Variants in LRRC4C observed in about 807,000 individuals in gnomAD.
LRRC4C encodes the protein leucine-rich repeat-containing protein 4C.
In LRRC4C, 5 loss-of-function variants were observed where a neutral mutation model predicts 33.6. The observed-to-expected ratio is 0.15, with a 90% CI of 0.08 to 0.31. The LOEUF is 0.31. LRRC4C is among the 10% of genes least tolerant of loss of function. The pLI is 1.00. For synonymous variants in LRRC4C, 329 were observed against 302.0 expected (o/e 1.09, Z -0.93); for missense variants, 560 against 796.7 (o/e 0.70, Z 3.58).
intron 3 of LRRC4C, among the ~76,000 whole-genome samples, chr11:40,417,908 G>A (rs904132522): frequency 2.0e-5 from 3 of 152,152 alleles, no homozygotes; most frequent in African/African-American, 7.2e-5. Context: ...CACGAGTCTG[G>A]TATCACGCAG....
chr11:41,268,158 A>G (rs1357250592), intron 1 of LRRC4C, among the ~76,000 whole-genome samples: 2 of 152,166 alleles, frequency 1.3e-5, no homozygotes, highest in Non-Finnish European at 2.9e-5. Context: ...GATTGCACAC[A>G]AAGCAAGGTT....
intron 3 of LRRC4C, among the ~76,000 whole-genome samples, chr11:40,610,077 T>A (rs7928562): frequency 0.45 from 68,635 of 151,504 alleles, 16,695 homozygotes; most frequent in Middle Eastern, 0.59. Context: ...CAAAGACACC[T>A]CAAGAAAAAA....
intron 2 of LRRC4C, among the ~76,000 whole-genome samples, chr11:40,816,181 CTT>C (rs1951698630): frequency 6.6e-6 from 1 of 152,128 alleles, no homozygotes; most frequent in Non-Finnish European, 1.5e-5. Context: ...TATCATGTTT[CTT>C]TTTGGGATGC....
intron 3 of LRRC4C, among the ~76,000 whole-genome samples, chr11:40,323,422 C>A (rs1343118976): frequency 6.6e-6 from 1 of 152,198 alleles, no homozygotes; most frequent in East Asian, 1.9e-4. Context: ...GATGTCTCTT[C>A]TTGCCAACTT....
chr11:40,896,964 G>C (rs1443959361), intron 2 of LRRC4C, among the ~76,000 whole-genome samples: 1 of 152,062 alleles, frequency 6.6e-6, no homozygotes, highest in African/African-American at 2.4e-5. Context: ...TAAAGTACTA[G>C]GAGAGTTTTG....
intron 1 of LRRC4C, among the ~76,000 whole-genome samples, chr11:41,250,296 T>C (rs370201018): frequency 6.6e-6 from 1 of 152,222 alleles, no homozygotes; most frequent in East Asian, 1.9e-4. Flanking sequence ...AACTTTCCTC[T>C]ACCTGATTTA....
intron 1 of LRRC4C, among the ~76,000 whole-genome samples, chr11:41,172,133 T>C (rs930137821): frequency 1.1e-4 from 16 of 152,248 alleles, no homozygotes; most frequent in African/African-American, 3.8e-4. Context: ...GAGGGAGAAC[T>C]GGCTGACAGA....
At chr11:40,894,767 G>A (rs564661407) in intron 2 of LRRC4C, among the ~76,000 whole-genome samples, 7 of 152,038 alleles carry the variant, frequency 4.6e-5, no homozygotes, top group Admixed American at 3.3e-4. Flanking sequence ...TTCACCTATC[G>A]ACAGTCCACC....
intron 6 of LRRC4C, among the ~76,000 whole-genome samples, chr11:40,122,828 A>ATT (rs1855923677): frequency 6.7e-6 from 1 of 148,362 alleles, no homozygotes; most frequent in Non-Finnish European, 1.5e-5. Context: ...TTCTAAGAAA[A>ATT]TTTTATATAA....
At chr11:41,233,805 A>G (rs1373713318) in intron 1 of LRRC4C, among the ~76,000 whole-genome samples, 1 of 152,048 alleles carries the variant, frequency 6.6e-6, no homozygotes, top group African/African-American at 2.4e-5. Context: ...AAAAGGGGAA[A>G]AAAATTGTGA....
chr11:40,609,689 T>A (rs1347768891), intron 3 of LRRC4C, among the ~76,000 whole-genome samples: 1 of 151,702 alleles, frequency 6.6e-6, no homozygotes, highest in Non-Finnish European at 1.5e-5. Context: ...ACTTAGTAAA[T>A]AAAATCAGAA....
intron 1 of LRRC4C, among the ~76,000 whole-genome samples, chr11:41,303,455 C>T (rs1478336039): frequency 7.5e-6 from 1 of 132,594 alleles, no homozygotes; most frequent in Non-Finnish European, 1.6e-5. Context: ...ACCTCCCAGC[C>T]GCCTGCCTTG....
At chr11:40,700,543 C>T (rs1202955677) in intron 2 of LRRC4C, among the ~76,000 whole-genome samples, 1 of 152,104 alleles carries the variant, frequency 6.6e-6, no homozygotes, top group Non-Finnish European at 1.5e-5. Flanking sequence ...AACTGGGGGA[C>T]ATTTGTCCTA....
At chr11:40,385,423 G>A (rs2137394064) in intron 3 of LRRC4C, among the ~76,000 whole-genome samples, 1 of 152,252 alleles carries the variant, frequency 6.6e-6, no homozygotes, top group South Asian at 2.1e-4. Context: ...AAATGATTAG[G>A]ATTCAGGAAC....
At chr11:40,325,976 G>A (rs574881709) in intron 3 of LRRC4C, among the ~76,000 whole-genome samples, 22 of 151,558 alleles carry the variant, frequency 1.5e-4, no homozygotes, top group Admixed American at 1.1e-3. Flanking sequence ...TCTGTAACTG[G>A]TTCTCTGTCT....
In LRRC4C at chr11:40,160,531, C is replaced by A. The variant is rs537842153; in HGVS notation, c.-95-19678G>T. 9.9e-5 allele frequency among the ~76,000 whole-genome samples: 15 copies of A among 152,238 alleles called. 1 individual carries two copies. In the South Asian group the frequency reaches 3.1e-3, roughly 32 times the overall value. ...AGATATATAAGATCCTGTACAAGAG[C>A]ATTGCCTGCAGAAGTCAACAGCTTA... On this transcript the variant is annotated intron_variant, in intron 5 of 6. Transcript: ENST00000528697.
At chr11:41,449,354 C>T (rs748200331) in intron 1 of LRRC4C, among the ~76,000 whole-genome samples, 8 of 151,988 alleles carry the variant, frequency 5.3e-5, no homozygotes, top group Non-Finnish European at 8.8e-5. Flanking sequence ...GGCCATCAGG[C>T]GAGAGAATAA....
chr11:40,341,956 T>A (rs1946885051), intron 3 of LRRC4C, among the ~76,000 whole-genome samples: 2 of 151,652 alleles, frequency 1.3e-5, no homozygotes, highest in Admixed American at 1.3e-4. Context: ...CTCAGTGCTG[T>A]GCTTTGTATG....
At chr11:41,459,061 C>G (rs1255644836) in intron 1 of LRRC4C, among the ~76,000 whole-genome samples, 2 of 152,144 alleles carry the variant, frequency 1.3e-5, no homozygotes, top group African/African-American at 4.8e-5. Context: ...TACACTTTGC[C>G]TCTAACTCAG....
Sources: gnomAD v4.1 joint callset for allele counts (sites outside exome capture counted in the v4.1 genomes callset) on GRCh38, gnomAD v4.1.1 for gene constraint, MANE v1.5 for transcripts, NCBI Gene and HGNC (gene_info 2026-07-23, HGNC 2026-07-21) for gene names.